The following ST8SIA6 variants were observed in gnomAD, a reference collection of about 807,000 sequenced individuals.
The protein encoded by ST8SIA6 is alpha-2,8-sialyltransferase 8F.
In ST8SIA6, 39 loss-of-function variants were observed where a neutral mutation model predicts 33.6. The observed-to-expected ratio is 1.16, with a 90% CI of 0.90 to 1.52. ST8SIA6 has a LOEUF of 1.52. Among genes scored for constraint, ST8SIA6 ranks in the 40% most tolerant of loss-of-function variants. The pLI, the probability that ST8SIA6 is intolerant of heterozygous loss-of-function variation, is 0.00. For synonymous variants in ST8SIA6, 172 were observed against 167.2 expected, an observed-to-expected ratio of 1.03 and a Z score of -0.22; for missense variants, 441 against 443.8, an observed-to-expected ratio of 0.99 and a Z score of 0.06.
In ST8SIA6 at chr10:17,451,998, C is replaced by T. The variant is rs553408552; in HGVS notation, c.200+1561G>A. On this transcript the variant is annotated intron_variant, in intron 2 of 7. Coordinates refer to ENST00000377602, the MANE Select transcript of ST8SIA6 (RefSeq NM_001004470.3). ...ATTCATCAAAGATTACCTCTAAAAACGACCTGAGATCAAACCATTTAATGA... is the reference window on the plus strand; with the variant it reads ...ATTCATCAAAGATTACCTCTAAAAATGACCTGAGATCAAACCATTTAATGA... Among the ~76,000 whole-genome samples, 4 of 152,258 alleles carry T rather than the reference C, an allele frequency of 2.6e-5. No homozygotes were observed. In the South Asian group the frequency reaches 8.3e-4, roughly 32 times the overall value.
intron 3 of ST8SIA6, among the ~76,000 whole-genome samples, chr10:17,378,617 C>T (rs1294533969): frequency 6.6e-6 from 1 of 152,100 alleles, no homozygotes; most frequent in Non-Finnish European, 1.5e-5. Flanking sequence ...CCCGCATACC[C>T]AACAAACAAC....
At chr10:17,414,649 G>A (rs950907060) in intron 2 of ST8SIA6, among the ~76,000 whole-genome samples, 1 of 152,192 alleles carries the variant, frequency 6.6e-6, no homozygotes, top group Non-Finnish European at 1.5e-5. Context: ...GCTGCCTGCT[G>A]GCTGGGTCCT....
rs139691676 is a variant in ST8SIA6 at position 17,436,334 on chromosome 10, G to T, written c.200+17225C>A. 2.8e-3 allele frequency among the ~76,000 whole-genome samples: 421 copies of T among 152,232 alleles called. 3 individuals carry two copies. Among genetic ancestry groups the T allele is most frequent in the African/African-American group, 9.9e-3 (411 of 41,546 alleles). ...CAGGTCTTTCATGTGCTATTCTCAT[G>T]CTAGTGAGTAAGTCTCACTAGATCT... On this transcript the variant is annotated intron_variant, in intron 2 of 7. Transcript: ENST00000377602.
intron 4 of ST8SIA6, among the ~76,000 whole-genome samples, chr10:17,338,035 T>TA (rs2131593593): frequency 3.2e-5 from 1 of 30,902 alleles, no homozygotes; most frequent in South Asian, 7.2e-4. Flanking sequence ...ACTATTCTTT[T>TA]TTTTTTTTTT....
Position 17,380,818 on chromosome 10 carries a change from T to C in ST8SIA6, c.290+9713A>G, listed in dbSNP as rs1385467136. On this transcript the variant is annotated intron_variant, in intron 3 of 7. Coordinates refer to ENST00000377602, the MANE Select transcript of ST8SIA6 (RefSeq NM_001004470.3). ...GTACATGTTTGTGTGAATGTATGTG[T>C]ACGTTTGTGTGTTTGTATGTGTACG... is the stretch of plus-strand genomic sequence containing the variant. Among the ~76,000 whole-genome samples, 12 of 134,624 alleles carry C rather than the reference T, an allele frequency of 8.9e-5. No homozygotes were observed. In the East Asian group the frequency reaches 2.6e-3, roughly 29 times the overall value. The allele number at this position is 134,624 out of a possible 152,430, so 88.3% of individuals were successfully genotyped here.
chr10:17,371,440 T>C (rs1849728071), intron 3 of ST8SIA6, among the ~76,000 whole-genome samples: 1 of 152,116 alleles, frequency 6.6e-6, no homozygotes, highest in South Asian at 2.1e-4. Flanking sequence ...GATTGAATTC[T>C]GGGGCATCCA....
intron 2 of ST8SIA6, among the ~76,000 whole-genome samples, chr10:17,411,238 G>C (rs989524978): frequency 3.3e-5 from 5 of 152,044 alleles, no homozygotes; most frequent in African/African-American, 1.2e-4. Context: ...CCAGGCTGGA[G>C]TGCAGTGCGA....
chr10:17,393,204 A>G (rs921179277), intron 2 of ST8SIA6, among the ~76,000 whole-genome samples: 1 of 152,162 alleles, frequency 6.6e-6, no homozygotes, highest in Non-Finnish European at 1.5e-5. Context: ...GGTTTCCATC[A>G]AAGTCTCCTC....
At chr10:17,416,470 G>A (rs770318801) in intron 2 of ST8SIA6, among the ~76,000 whole-genome samples, 19 of 152,172 alleles carry the variant, frequency 1.2e-4, no homozygotes, top group Non-Finnish European at 1.9e-4. Context: ...CCAATTGGAC[G>A]TCTAATAGTC....
At chr10:17,331,034 C>A (rs112349161) in intron 5 of ST8SIA6, among the ~76,000 whole-genome samples, 2 of 152,054 alleles carry the variant, frequency 1.3e-5, no homozygotes, top group Non-Finnish European at 2.9e-5. Flanking sequence ...ATAAACGCAC[C>A]GTTCCTTGGG....
At chr10:17,376,965 C>T (rs1011861960) in intron 3 of ST8SIA6, among the ~76,000 whole-genome samples, 7 of 152,138 alleles carry the variant, frequency 4.6e-5, no homozygotes, top group Admixed American at 1.3e-4. Context: ...TAGAGTTTGT[C>T]AAGCCTCTGA....
intron 4 of ST8SIA6, among the ~76,000 whole-genome samples, chr10:17,355,139 C>A (rs1320791371): frequency 6.6e-6 from 1 of 152,176 alleles, no homozygotes; most frequent in Non-Finnish European, 1.5e-5. Context: ...ATTTAAACTG[C>A]AGTTGCTTTT....
Position 17,321,209 on chromosome 10 carries a change from T to A in ST8SIA6, c.866A>T (p.Glu289Val). The A allele has an allele frequency of 6.2e-7, 1 of 1,614,126 alleles. No homozygotes were observed. The highest frequency in any genetic ancestry group is 8.5e-7 in the Non-Finnish European group (1 of 1,179,996). ...TSFKVYYTLE[E>V]SKARQKVLFF... ...TAGAACCTTTTGTCTTGCTTTAGAC[T>A]CTTCGAGCGTGTAGTATACTTTGAA... Residue 289 changes from glutamate to valine, a missense_variant, in exon 8 of 8, where the codon GAG becomes GTG. Physicochemically the swap from Glu to Val is moderately radical, Grantham distance 121 (BLOSUM62 -2). Transcript: ENST00000377602.
chr10:17,437,898 T>C (rs1023554646), intron 2 of ST8SIA6, among the ~76,000 whole-genome samples: 4 of 151,924 alleles, frequency 2.6e-5, no homozygotes, highest in Non-Finnish European at 5.9e-5. Context: ...GCCCAGCTAA[T>C]TTTTGTATTT....
intron 4 of ST8SIA6, among the ~76,000 whole-genome samples, chr10:17,340,008 G>C (rs1848622187): frequency 6.6e-6 from 1 of 152,192 alleles, no homozygotes; most frequent in African/African-American, 2.4e-5. Flanking sequence ...TTGTAAGGCA[G>C]TAAGTAGCAA....
Position 17,340,274 on chromosome 10 carries a change from C to T in ST8SIA6, c.378-8722G>A, listed in dbSNP as rs1001559646. ...CATCTGTTCCCCTGGTCACCTGCTTCGTCCTGAGTCACCCTGGTCACCTGT... is the reference window on the plus strand; with the variant it reads ...CATCTGTTCCCCTGGTCACCTGCTTTGTCCTGAGTCACCCTGGTCACCTGT... On this transcript the variant is annotated intron_variant, in intron 4 of 7. Coordinates refer to ENST00000377602, the MANE Select transcript of ST8SIA6 (RefSeq NM_001004470.3). Among the ~76,000 whole-genome samples, 3 of 152,120 alleles carry T rather than the reference C, an allele frequency of 2.0e-5. No homozygotes were observed. In the Middle Eastern group the frequency reaches 0.01, roughly 517 times the overall value.
intron 2 of ST8SIA6, among the ~76,000 whole-genome samples, chr10:17,401,576 A>G (rs1019494728): frequency 2.6e-5 from 4 of 152,248 alleles, no homozygotes; most frequent in Non-Finnish European, 4.4e-5. Flanking sequence ...CTGGTACCAA[A>G]ACAAAGATGG....
chr10:17,412,612 G>A (rs1851488059), intron 2 of ST8SIA6, among the ~76,000 whole-genome samples: 1 of 152,090 alleles, frequency 6.6e-6, no homozygotes, highest in African/African-American at 2.4e-5. Context: ...GCTGCATCAC[G>A]GTATCCTTTT....
At chr10:17,364,804 A>G (rs1490173389) in intron 3 of ST8SIA6, among the ~76,000 whole-genome samples, 1 of 152,178 alleles carries the variant, frequency 6.6e-6, no homozygotes, top group African/African-American at 2.4e-5. Context: ...ATCACATCAT[A>G]TTTTCTGCAC....
Sources: gnomAD v4.1 joint callset for allele counts (sites outside exome capture counted in the v4.1 genomes callset) on GRCh38, gnomAD v4.1.1 for gene constraint, MANE v1.5 for transcripts, NCBI Gene and HGNC (gene_info 2026-07-23, HGNC 2026-07-21) for gene names.